EPC1: variants seen among roughly 807,000 people sequenced by gnomAD.
The protein encoded by EPC1 is enhancer of polycomb 1, also known as enhancer of polycomb homolog 1.
EPC1 carries 12 observed loss-of-function variants against 98.4 expected under a neutral mutation model. That is an observed-to-expected ratio of 0.12 (90% CI 0.08 to 0.20). The LOEUF is 0.20. Ranked by LOEUF, EPC1 falls within the 10% of genes least tolerant of loss-of-function variation. The pLI is 1.00. For missense variants in EPC1, 729 were observed against 990.5 expected (o/e 0.74, Z 3.54); for synonymous variants, 357 against 363.9 (o/e 0.98, Z 0.21).
chr10:32,361,480 C>A (rs1839441073), intron 1 of EPC1, among the ~76,000 whole-genome samples: 1 of 152,166 alleles, frequency 6.6e-6, no homozygotes, highest in South Asian at 2.1e-4. Context: ...AGAATACCCC[C>A]ATTTTTCTAA....
chr10:32,323,559 G>A (rs1474164678), intron 1 of EPC1, among the ~76,000 whole-genome samples: 1 of 152,114 alleles, frequency 6.6e-6, no homozygotes, highest in African/African-American at 2.4e-5. Flanking sequence ...GTATATAAAA[G>A]ATATGATACT....
chr10:32,287,833 G>A (rs892440881), intron 6 of EPC1, among the ~76,000 whole-genome samples: 3 of 152,064 alleles, frequency 2.0e-5, no homozygotes, highest in African/African-American at 7.2e-5. Flanking sequence ...TTTCTGAAAT[G>A]GTGACTTTTG....
intron 1 of EPC1, among the ~76,000 whole-genome samples, chr10:32,334,560 G>A (rs1837841788): frequency 6.6e-6 from 1 of 151,916 alleles, no homozygotes; most frequent in South Asian, 2.1e-4. Flanking sequence ...AAGAACTCCT[G>A]CAAAAGTTCT....
At chr10:32,377,065 C>G (rs1014874363) in intron 1 of EPC1, 3 of 151,958 alleles carry the variant, frequency 2.0e-5, no homozygotes, top group African/African-American at 7.3e-5. Flanking sequence ...TCAATAAGAA[C>G]AAAGATGGAA....
intron 1 of EPC1, among the ~76,000 whole-genome samples, chr10:32,326,477 C>T (rs1315113503): frequency 2.0e-5 from 3 of 152,198 alleles, no homozygotes; most frequent in East Asian, 1.9e-4. Flanking sequence ...AAAAACTTTG[C>T]GTATTTTATG....
intron 10 of EPC1, among the ~76,000 whole-genome samples, chr10:32,277,049 G>T (rs531987633): frequency 3.9e-4 from 60 of 152,274 alleles, no homozygotes; most frequent in Non-Finnish European, 7.9e-4. Context: ...TCACACATAT[G>T]TAACAGTGGA....
chr10:32,292,455 T>C (rs564645085), intron 5 of EPC1, 41 bp downstream of exon 5: 2 of 1,386,056 alleles, frequency 1.4e-6, no homozygotes, highest in Non-Finnish European at 1.9e-6. Flanking sequence ...AAAATGTTAA[T>C]GGCACTATAC....
chr10:32,345,478 C>T (rs954123456), intron 1 of EPC1: 1 of 985,236 alleles, frequency 1.0e-6, no homozygotes, highest in Non-Finnish European at 1.2e-6. Flanking sequence ...CAATTTTCCA[C>T]AACAAAATTG....
chr10:32,282,302 A>C (rs962707425), intron 10 of EPC1: 3 of 152,340 alleles, frequency 2.0e-5, no homozygotes, highest in African/African-American at 7.2e-5. Context: ...AGGCCAAGGC[A>C]GGAGGATCAC....
chr10:32,345,354 T>C, intron 1 of EPC1: 1 of 985,452 alleles, frequency 1.0e-6, no homozygotes, highest in Non-Finnish European at 1.2e-6. Context: ...GCTATTTCAC[T>C]TTAAAAGGTT....
intron 10 of EPC1, among the ~76,000 whole-genome samples, chr10:32,278,616 C>T (rs867835633): frequency 3.3e-5 from 5 of 151,866 alleles, no homozygotes; most frequent in East Asian, 3.9e-4. Flanking sequence ...CTCCTGACCT[C>T]GTTACTTTGT....
At chr10:32,362,317 A>AG (rs1364098888) in intron 1 of EPC1, among the ~76,000 whole-genome samples, 1 of 151,546 alleles carries the variant, frequency 6.6e-6, no homozygotes, top group Non-Finnish European at 1.5e-5. Context: ...CTAATGTTGG[A>AG]GGTGGGGTCC....
chr10:32,284,748 G>C lies in EPC1; in HGVS notation c.1694C>G (p.Thr565Arg), dbSNP rs770298521. The change falls in exon 10 of 14, where the codon ACA becomes AGA. Residue 565 changes from threonine (T) to arginine (R), a missense_variant. Thr to Arg is a moderately conservative substitution (Grantham distance 71, BLOSUM62 -1). Around this residue, in one of 6 missense-constraint regions of EPC1, gnomAD observed 390 missense variants for 438.6 expected, o/e 0.89. Transcript: ENST00000319778. ...RTGTAQPGTQTCSTSTQSKSS... is the reference protein window; with the variant it reads ...RTGTAQPGTQRCSTSTQSKSS... Reference sequence around the variant, plus strand: ...TTTACTTTGCGTAGAGGTACTGCATGTCTGGGTCCCAGGTTGTGCTGTTCC... The same window carrying C: ...TTTACTTTGCGTAGAGGTACTGCATCTCTGGGTCCCAGGTTGTGCTGTTCC... 6.2e-7 allele frequency: 1 copy of C among 1,614,156 alleles called. No individual in the cohort carries two copies. The highest frequency in any genetic ancestry group is 8.5e-7 in the Non-Finnish European group (1 of 1,180,024).
chr10:32,359,293 A>C (rs1839372355), intron 1 of EPC1, among the ~76,000 whole-genome samples: 1 of 152,220 alleles, frequency 6.6e-6, no homozygotes, highest in South Asian at 2.1e-4. Context: ...GTAATATAAG[A>C]CATTTAAATA....
At position 32,287,042 on chromosome 10, in the gene EPC1, C is replaced by T. The variant is rs754790901; in HGVS notation, c.1153-27G>A. The T allele has an allele frequency of 5.0e-6, 8 of 1,613,506 alleles. No individual in the cohort carries two copies. The Admixed American group carries it at 1.3e-4, about 27-fold the overall frequency. On this transcript the variant is annotated intron_variant, in intron 7 of 13. Coordinates refer to ENST00000319778, the MANE Select transcript of EPC1 (RefSeq NM_001272004.3). ...TTTAAATGAAATAAAGAAAGTAGGTCAGATACGTGACTTCCTACATCCCTC... is the reference window on the plus strand; with the variant it reads ...TTTAAATGAAATAAAGAAAGTAGGTTAGATACGTGACTTCCTACATCCCTC...
intron 1 of EPC1, among the ~76,000 whole-genome samples, chr10:32,321,047 TA>T (rs1219561264): frequency 5.3e-5 from 8 of 152,224 alleles, no homozygotes; most frequent in African/African-American, 1.9e-4. Flanking sequence ...TCAGTTAGTT[TA>T]TTTTTTTTAA....
intron 1 of EPC1, among the ~76,000 whole-genome samples, chr10:32,335,730 T>C (rs762775422): frequency 2.6e-5 from 4 of 152,210 alleles, no homozygotes; most frequent in Non-Finnish European, 4.4e-5. Flanking sequence ...AGAATTTACA[T>C]GGATAATGAT....
At chr10:32,351,224 C>T (rs1260644737), upstream of EPC1, among the ~76,000 whole-genome samples, 1 of 152,158 alleles carries the variant, frequency 6.6e-6, no homozygotes, top group East Asian at 1.9e-4. Context: ...TTGTTTTGCC[C>T]ATTAGATAAA....
chr10:32,362,403 A>G (rs1229613018), intron 1 of EPC1, among the ~76,000 whole-genome samples: 1 of 152,084 alleles, frequency 6.6e-6, no homozygotes, highest in African/African-American at 2.4e-5. Context: ...TGTTCTCATG[A>G]TAGTGAGTGA....
Sources: gnomAD v4.1 joint callset for allele counts (sites outside exome capture counted in the v4.1 genomes callset) on GRCh38, gnomAD v4.1.1 for gene constraint, gnomAD v4.1.1 regional missense constraint, MANE v1.5 for transcripts, NCBI Gene and HGNC (gene_info 2026-07-23, HGNC 2026-07-21) for gene names.